Variants in KLHL3 observed in about 807,000 individuals in gnomAD.
KLHL3 encodes the protein kelch-like protein 3.
Under a neutral mutation model 70.5 loss-of-function variants are expected in KLHL3, and 19 were observed. That is an observed-to-expected ratio of 0.27 (90% confidence interval 0.19 to 0.40). KLHL3 has a LOEUF of 0.40. Ranked by LOEUF, KLHL3 falls within the 10% of genes least tolerant of loss-of-function variation. The pLI is 1.00. For synonymous variants in KLHL3, 258 were observed against 290.3 expected (o/e 0.89, Z 1.13); for missense variants, 512 against 771.1 (o/e 0.66, Z 3.98).
At chr5:137,731,945 T>C (rs1167454554) in intron 1 of KLHL3, among the ~76,000 whole-genome samples, 1 of 152,128 alleles carries the variant, frequency 6.6e-6, no homozygotes, top group Non-Finnish European at 1.5e-5. Flanking sequence ...ATCTCCAGAA[T>C]TATTTCATCT....
chr5:137,668,597 T>C (rs1001225996), intron 6 of KLHL3, among the ~76,000 whole-genome samples: 1 of 152,176 alleles, frequency 6.6e-6, no homozygotes, highest in African/African-American at 2.4e-5. Flanking sequence ...ATCAAGAAGA[T>C]AGTGCTTCTA....
At chr5:137,710,001 A>AG (rs1460389066) in intron 2 of KLHL3, 145 bp from the exon 3 acceptor site, 7 of 670,710 alleles carry the variant, frequency 1.0e-5, no homozygotes, top group Admixed American at 2.2e-5. Context: ...TGAGTTAGGG[A>AG]GGGGGGTGGA....
chr5:137,734,029 T>A (rs1482426939), intron 1 of KLHL3, among the ~76,000 whole-genome samples: 1 of 152,160 alleles, frequency 6.6e-6, no homozygotes. Context: ...ACATCAGCCA[T>A]CCCAGCTGAG....
intron 1 of KLHL3, among the ~76,000 whole-genome samples, chr5:137,732,875 A>C (rs1455415042): frequency 6.6e-6 from 1 of 152,212 alleles, no homozygotes; most frequent in African/African-American, 2.4e-5. Context: ...GAGAAAAATT[A>C]GTTCTGAAAA....
chr5:137,655,407 A>C (rs1432267560), intron 8 of KLHL3, among the ~76,000 whole-genome samples: 1 of 152,238 alleles, frequency 6.6e-6, no homozygotes, highest in Middle Eastern at 3.2e-3. Flanking sequence ...AATAATTCTA[A>C]GTGCATCAAA....
At chr5:137,690,025 C>T (rs1469488709) in intron 5 of KLHL3, among the ~76,000 whole-genome samples, 1 of 152,174 alleles carries the variant, frequency 6.6e-6, no homozygotes, top group African/African-American at 2.4e-5. Flanking sequence ...CACTAGCAAA[C>T]GTTTGTGAAA....
chr5:137,639,416 C>T lies in KLHL3; in HGVS notation c.1022-266G>A, dbSNP rs1750853821. On this transcript the variant is annotated intron_variant, in intron 9 of 14. Transcript: ENST00000309755. The surrounding 1 kb of genome is among the most constrained non-coding windows in gnomAD (Gnocchi z 5.0). ...AAGAGCCAAAAACTGTGCAAGTGGC[C>T]GGGCATGGTAGCTCACGCCTGTAAT... Among the ~76,000 whole-genome samples the T allele has an allele frequency of 6.6e-6, 1 of 152,098 alleles. No individual in the cohort carries two copies. Among genetic ancestry groups the T allele is most frequent in the African/African-American group, 2.4e-5 (1 of 41,396 alleles).
intron 3 of KLHL3, among the ~76,000 whole-genome samples, chr5:137,702,964 G>T (rs1344013860): frequency 6.6e-6 from 1 of 152,112 alleles, no homozygotes; most frequent in East Asian, 1.9e-4. Flanking sequence ...AGAGCAAGAG[G>T]GAGAAGGATG....
At chr5:137,643,956 T>C (rs1750980822) in intron 8 of KLHL3, among the ~76,000 whole-genome samples, 1 of 152,174 alleles carries the variant, frequency 6.6e-6, no homozygotes, top group Admixed American at 6.5e-5. Flanking sequence ...TGTTTTAGAT[T>C]TCATATATAA....
rs1756263620 is a variant in KLHL3 at position 137,617,716 on chromosome 5, T to A, written c.*4382A>T. 6.6e-6 allele frequency: 1 copy of A among 152,226 alleles called. No individual in the cohort carries two copies. Among genetic ancestry groups the A allele is most frequent in the East Asian group, 1.9e-4 (1 of 5,194 alleles). The allele number at this position is 152,226 out of a possible 1,614,324, so 9.4% of individuals were successfully genotyped here. The stretch of plus-strand genomic sequence containing the variant: ...TGCAATATGTTGTACGGGGTGTCAG[T>A]GATCAAGTCTGACTGGCTATGACAA... On this transcript the variant is annotated 3_prime_UTR_variant, in exon 15 of 15. Coordinates refer to ENST00000309755, the MANE Select transcript of KLHL3 (RefSeq NM_017415.3).
At chr5:137,684,952 G>C (rs575422278) in intron 5 of KLHL3, among the ~76,000 whole-genome samples, 5 of 152,226 alleles carry the variant, frequency 3.3e-5, no homozygotes, top group Non-Finnish European at 5.9e-5. Flanking sequence ...AGAGGAAGCA[G>C]GAGGGACTGC....
intron 13 of KLHL3, chr5:137,628,031 C>G: frequency 2.1e-6 from 1 of 465,288 alleles, no homozygotes; most frequent in South Asian, 2.3e-5. Flanking sequence ...CAGGTCTGTG[C>G]TCATCTGTGT....
intron 8 of KLHL3, among the ~76,000 whole-genome samples, chr5:137,655,656 G>C (rs1751320770): frequency 6.6e-6 from 1 of 152,030 alleles, no homozygotes; most frequent in Non-Finnish European, 1.5e-5. Flanking sequence ...ACATTCAAAG[G>C]CCTAACCTCT....
intron 1 of KLHL3, among the ~76,000 whole-genome samples, chr5:137,724,076 T>C (rs1453948759): frequency 6.6e-6 from 1 of 152,234 alleles, no homozygotes; most frequent in Non-Finnish European, 1.5e-5. Flanking sequence ...ATGTGATGAA[T>C]GACACATATA....
chr5:137,733,983 C>T (rs1753220840), intron 1 of KLHL3, among the ~76,000 whole-genome samples: 1 of 152,296 alleles, frequency 6.6e-6, no homozygotes. Flanking sequence ...AGGAAAAGTA[C>T]AAGAACATGT....
chr5:137,699,193 A>G (rs1222082490), intron 3 of KLHL3, among the ~76,000 whole-genome samples: 1 of 152,214 alleles, frequency 6.6e-6, no homozygotes, highest in Non-Finnish European at 1.5e-5. Flanking sequence ...GAGGTATTAG[A>G]GGATGAGGAC....
intron 13 of KLHL3, among the ~76,000 whole-genome samples, chr5:137,627,477 AC>A (rs1554089725): frequency 0.034 from 2,706 of 79,534 alleles, 178 homozygotes; most frequent in South Asian, 0.092. Flanking sequence ...AAATATCACC[AC>A]CCCCCCCCCC....
chr5:137,687,218 C>G (rs1352393722), intron 5 of KLHL3, among the ~76,000 whole-genome samples: 517 of 14,346 alleles, frequency 0.036, no homozygotes, highest in Admixed American at 0.05. Flanking sequence ...CCCCTCTGCC[C>G]GGCCAGCCGC....
intron 1 of KLHL3, among the ~76,000 whole-genome samples, chr5:137,725,852 T>C (rs978304297): frequency 2.0e-5 from 3 of 152,198 alleles, no homozygotes; most frequent in African/African-American, 7.2e-5. Context: ...AGAAAGGGTG[T>C]TGCAAATTGG....
Sources: allele counts gnomAD v4.1 joint callset (sites outside exome capture counted in the v4.1 genomes callset), GRCh38; gene constraint gnomAD v4.1.1; non-coding constraint Gnocchi (gnomAD v3.1); transcripts MANE v1.5; gene names NCBI Gene and HGNC (gene_info 2026-07-23, HGNC 2026-07-21).